GRIK5: variants seen among roughly 807,000 people sequenced by gnomAD.
GRIK5 encodes the protein glutamate receptor ionotropic, kainate 5.
Under a neutral mutation model 97.4 loss-of-function variants are expected in GRIK5, and 43 were observed. That is an observed-to-expected ratio of 0.44 (90% CI 0.35 to 0.57). GRIK5 has a LOEUF of 0.57. Among genes scored for constraint, GRIK5 ranks in the 20% least tolerant of loss-of-function variants. The probability of loss-of-function intolerance (pLI) is 0.01; values close to 1 mark genes in which losing one functional copy is unlikely to be tolerated. For synonymous variants in GRIK5, 580 were observed against 583.5 expected (o/e 0.99, Z 0.09); for missense variants, 1,015 against 1,382.0 (o/e 0.73, Z 4.21).
intron 15 of GRIK5, among the ~76,000 whole-genome samples, chr19:42,009,559 G>C (rs1555873537): frequency 1.3e-5 from 2 of 152,030 alleles, no homozygotes; most frequent in Non-Finnish European, 2.9e-5. Context: ...CCTGAGTTCA[G>C]GAGTTTGCGA....
Position 42,054,369 on chromosome 19 carries a change from G to C in GRIK5, c.1007C>G (p.Ser336Trp). 6.2e-7 allele frequency: 1 copy of C among 1,613,510 alleles called. No homozygotes were observed. The highest frequency in any genetic ancestry group is 8.5e-7 in the Non-Finnish European group (1 of 1,179,886). ...GGTCCCGTGGGGCCAAATGTTGGCC[G>C]ATGTACAGGCCAGAGGCTTCACACC... is the stretch of plus-strand genomic sequence containing the variant. ...EIGVKPLACT[S>W]ANIWPHGTSL... The change falls in exon 9 of 20, where the codon TCG becomes TGG. Residue 336 changes from serine to tryptophan, a missense_variant. Ser to Trp is a radical substitution (Grantham distance 177, BLOSUM62 -3). Transcript: ENST00000593562.
At chr19:42,055,192 T>G (rs991474231) in intron 8 of GRIK5, among the ~76,000 whole-genome samples, 1 of 152,140 alleles carries the variant, frequency 6.6e-6, no homozygotes, top group African/African-American at 2.4e-5. Context: ...ACAACCACGG[T>G]GTCTGTGTGT....
chr19:42,038,955 A>T (rs1382888887), intron 12 of GRIK5, among the ~76,000 whole-genome samples: 1 of 152,108 alleles, frequency 6.6e-6, no homozygotes, highest in Non-Finnish European at 1.5e-5. Flanking sequence ...CATCACCCAG[A>T]TGCCCAAGCC....
At chr19:42,064,383 C>T (rs1052489844) in intron 3 of GRIK5, among the ~76,000 whole-genome samples, 1 of 152,132 alleles carries the variant, frequency 6.6e-6, no homozygotes, top group Non-Finnish European at 1.5e-5. Context: ...CCAAATATGT[C>T]CTGAATCCAG....
At chr19:42,043,943 G>A (rs1277747110) in intron 11 of GRIK5, among the ~76,000 whole-genome samples, 9 of 152,078 alleles carry the variant, frequency 5.9e-5, no homozygotes, top group African/African-American at 9.7e-5. Flanking sequence ...CAACTGATAC[G>A]GTTAGGCTTT....
In GRIK5 at chr19:42,042,495, C is replaced by T. The variant is rs2075989188; in HGVS notation, c.1473+57G>A. The stretch of plus-strand genomic sequence containing the variant: ...GAGGTTCGACTGGCTGCCCAGCTGC[C>T]CGCCCTCCCTCACTCGCCGGGTCCA... On this transcript the variant is annotated intron_variant, in intron 12 of 19. Transcript: ENST00000593562. The surrounding 1 kb of genome is among the most constrained non-coding windows in gnomAD (Gnocchi z 6.9). The T allele has an allele frequency of 1.4e-6, 2 of 1,481,102 alleles. No individual in the cohort carries two copies. The highest frequency in any genetic ancestry group is 1.4e-5 in the African/African-American group (1 of 72,688). 91.7% of individuals were successfully genotyped at this position (1,481,102 alleles called of 1,614,324 possible). A position where few individuals can be genotyped will look rare whatever the true frequency, so the allele number is the denominator to read the frequency against.
chr19:42,003,731 C>G lies in GRIK5; in HGVS notation c.2264-48G>C. On this transcript the variant is annotated intron_variant, in intron 17 of 19. Transcript: ENST00000593562. This position sits in a 1 kb window ranked among gnomAD's most constrained non-coding sequence, Gnocchi z 4.2. Reference sequence around the variant, plus strand: ...GGACCAGCCATCGGGCCCTGCAGCCCTGACCGCCCCAAACCCCAAACTGTG... The same window carrying G: ...GGACCAGCCATCGGGCCCTGCAGCCGTGACCGCCCCAAACCCCAAACTGTG... 6.5e-7 allele frequency: 1 copy of G among 1,533,370 alleles called. No homozygotes were observed. Among genetic ancestry groups the G allele is most frequent in the Non-Finnish European group, 8.8e-7 (1 of 1,141,784 alleles). 95.0% of individuals were successfully genotyped at this position (1,533,370 alleles called of 1,614,324 possible).
chr19:42,017,799 G>GT (rs1473384526), intron 15 of GRIK5, among the ~76,000 whole-genome samples: 1 of 152,212 alleles, frequency 6.6e-6, no homozygotes, highest in Non-Finnish European at 1.5e-5. Flanking sequence ...TAGATCTGAG[G>GT]TTTTGTGGTT....
intron 1 of GRIK5, among the ~76,000 whole-genome samples, chr19:42,066,390 G>A (rs533893523): frequency 5.3e-5 from 8 of 151,602 alleles, no homozygotes; most frequent in South Asian, 2.1e-4. Flanking sequence ...AGGAAACTTC[G>A]GGAGAGATGG....
In GRIK5 at chr19:42,042,503, C is replaced by T; in HGVS notation, c.1473+49G>A. The T allele has an allele frequency of 6.6e-7, 1 of 1,514,898 alleles. No individual in the cohort carries two copies. The highest frequency in any genetic ancestry group is 1.2e-5 in the South Asian group (1 of 86,948). 93.8% of individuals were successfully genotyped at this position (1,514,898 alleles called of 1,614,324 possible). On this transcript the variant is annotated intron_variant, in intron 12 of 19. Transcript: ENST00000593562. The surrounding 1 kb of genome is among the most constrained non-coding windows in gnomAD (Gnocchi z 6.9). ...ACTGGCTGCCCAGCTGCCCGCCCTCCCTCACTCGCCGGGTCCATGCATCTT... is the reference window on the plus strand; with the variant it reads ...ACTGGCTGCCCAGCTGCCCGCCCTCTCTCACTCGCCGGGTCCATGCATCTT...
intron 11 of GRIK5, among the ~76,000 whole-genome samples, chr19:42,047,069 G>A (rs1279779904): frequency 1.3e-5 from 2 of 151,698 alleles, no homozygotes; most frequent in Non-Finnish European, 2.9e-5. Flanking sequence ...TGTATTTTTT[G>A]TAGAGACAGG....
At chr19:42,053,000 G>C (rs941846566) in intron 11 of GRIK5, among the ~76,000 whole-genome samples, 8 of 152,216 alleles carry the variant, frequency 5.3e-5, no homozygotes, top group Non-Finnish European at 8.8e-5. Flanking sequence ...GCCCGGTGCA[G>C]AACAGGCAAT....
rs990570971 is a variant in GRIK5, at chr19:42,055,989, C to CT, written c.903+672dup. On this transcript the variant is annotated intron_variant, in intron 8 of 19. Transcript: ENST00000593562. ...TAAGCCACCATGCCTGGCCAATTTACTTTTTTTTTTTTTTGAGACGGAGTC... is the reference window on the plus strand; with the variant it reads ...TAAGCCACCATGCCTGGCCAATTTACTTTTTTTTTTTTTTTGAGACGGAGTC... Among the ~76,000 whole-genome samples, 1,069 of 130,190 alleles carry CT rather than the reference C, an allele frequency of 8.2e-3. 6 individuals are homozygous for CT. The highest frequency in any genetic ancestry group is 0.032 in the Middle Eastern group (5 of 158). The allele number at this position is 130,190 out of a possible 152,430, so 85.4% of individuals were successfully genotyped here.
chr19:42,040,871 AAAAT>A (rs925884834), intron 12 of GRIK5, among the ~76,000 whole-genome samples: 1 of 151,838 alleles, frequency 6.6e-6, no homozygotes, highest in Non-Finnish European at 1.5e-5. Flanking sequence ...CTCTGTCTCC[AAAAT>A]AAATAAATAA....
At chr19:42,023,298 G>A (rs1185501404) in intron 12 of GRIK5, among the ~76,000 whole-genome samples, 2 of 152,074 alleles carry the variant, frequency 1.3e-5, no homozygotes, top group East Asian at 1.9e-4. Flanking sequence ...ATCCAGAGGC[G>A]GCAGTGTGGC....
At chr19:42,023,466 T>C (rs913868296) in intron 12 of GRIK5, among the ~76,000 whole-genome samples, 1 of 152,216 alleles carries the variant, frequency 6.6e-6, no homozygotes, top group Non-Finnish European at 1.5e-5. Context: ...CCAATTATTT[T>C]AAGCACCCAC....
intron 5 of GRIK5, among the ~76,000 whole-genome samples, chr19:42,061,111 G>A (rs537979963): frequency 6.6e-6 from 1 of 152,268 alleles, no homozygotes; most frequent in African/African-American, 2.4e-5. Context: ...GCAGTGGCGT[G>A]ATCTCAGCTC....
chr19:42,000,009 C>A (rs989366922), intron 19 of GRIK5, among the ~76,000 whole-genome samples: 10 of 152,290 alleles, frequency 6.6e-5, no homozygotes, highest in Middle Eastern at 3.4e-3. Flanking sequence ...GGCCGAAATG[C>A]CCAGGTGGGA....
chr19:42,006,561 A>G lies in GRIK5; in HGVS notation c.2037+84T>C. ...CACTGACAATCAGTCCCTCTGACCCAGGAGACCCTGCCCAGACCCATCCTG... is the reference window on the plus strand; with the variant it reads ...CACTGACAATCAGTCCCTCTGACCCGGGAGACCCTGCCCAGACCCATCCTG... On this transcript the variant is annotated intron_variant, in intron 16 of 19. Coordinates refer to ENST00000593562, the MANE Select transcript of GRIK5 (RefSeq NM_002088.5). This position sits in a 1 kb window ranked among gnomAD's most constrained non-coding sequence, Gnocchi z 5.3. The G allele has an allele frequency of 8.2e-7, 1 of 1,215,132 alleles. No homozygotes were observed. Among genetic ancestry groups the G allele is most frequent in the South Asian group, 1.3e-5 (1 of 78,226 alleles). The allele number at this position is 1,215,132 out of a possible 1,614,324, so 75.3% of individuals were successfully genotyped here. A position where few individuals can be genotyped will look rare whatever the true frequency, so the allele number is the denominator to read the frequency against.
Sources: allele counts gnomAD v4.1 joint callset (sites outside exome capture counted in the v4.1 genomes callset), GRCh38; gene constraint gnomAD v4.1.1; non-coding constraint Gnocchi (gnomAD v3.1); transcripts MANE v1.5; gene names NCBI Gene and HGNC (gene_info 2026-07-23, HGNC 2026-07-21).